Variants in KIAA1217 observed in about 807,000 individuals in gnomAD.
KIAA1217 encodes the protein KIAA1217.
A neutral mutation model predicts 163.9 loss-of-function variants in KIAA1217; 88 were observed. That is an observed-to-expected ratio of 0.54 (90% CI 0.45 to 0.64). KIAA1217 has a LOEUF of 0.64. Ranked by LOEUF, KIAA1217 falls within the 30% of genes least tolerant of loss-of-function variation. KIAA1217 has a pLI of 0.00. For missense variants in KIAA1217, 2,372 were observed against 2,475.0 expected (o/e 0.96, Z 0.88); for synonymous variants, 903 against 923.1 (o/e 0.98, Z 0.39).
intron 4 of KIAA1217, 125 bp from the exon 5 acceptor site, chr10:24,438,261 C>T (rs187760604): frequency 1.8e-5 from 12 of 649,300 alleles, no homozygotes; most frequent in Non-Finnish European, 3.1e-5. Flanking sequence ...TTTTGACTGG[C>T]GTACTGTAGA....
At chr10:24,329,769 C>T (rs2045419775) in intron 2 of KIAA1217, among the ~76,000 whole-genome samples, 2 of 152,108 alleles carry the variant, frequency 1.3e-5, no homozygotes, top group African/African-American at 4.8e-5. Flanking sequence ...ATCATTGGTT[C>T]TTCGTAGACT....
At chr10:24,418,724 G>C (rs1027849738) in intron 3 of KIAA1217, among the ~76,000 whole-genome samples, 19 of 152,202 alleles carry the variant, frequency 1.2e-4, no homozygotes, top group African/African-American at 4.6e-4. Flanking sequence ...TCTCCTAGGG[G>C]GCAGTGTTTG....
chr10:24,354,537 C>A (rs186044799), intron 2 of KIAA1217, among the ~76,000 whole-genome samples: 5 of 152,354 alleles, frequency 3.3e-5, no homozygotes, highest in Admixed American at 3.3e-4. Context: ...CCTTGTCCTG[C>A]ATCCAGGAAG....
At chr10:24,061,191 T>C (rs918889525) in intron 2 of KIAA1217, among the ~76,000 whole-genome samples, 2 of 152,222 alleles carry the variant, frequency 1.3e-5, no homozygotes, top group East Asian at 3.8e-4. Flanking sequence ...GTGGTTACCA[T>C]GAGGTTTACA....
At chr10:23,833,054 C>T (rs1012305678) in intron 1 of KIAA1217, among the ~76,000 whole-genome samples, 10 of 152,072 alleles carry the variant, frequency 6.6e-5, no homozygotes, top group Non-Finnish European at 1.3e-4. Context: ...TGGGTGGGGA[C>T]ACAGCCAAAC....
intron 5 of KIAA1217, among the ~76,000 whole-genome samples, chr10:24,467,673 A>C (rs1256354826): frequency 6.6e-6 from 1 of 152,168 alleles, no homozygotes; most frequent in East Asian, 1.9e-4. Flanking sequence ...TCAATGGTAC[A>C]ACATAGCTAG....
chr10:23,992,608 T>A (rs1372249702), intron 1 of KIAA1217, among the ~76,000 whole-genome samples: 35 of 51,454 alleles, frequency 6.8e-4, no homozygotes. Context: ...CCATCATTTC[T>A]TTTTTTTTTT....
At chr10:23,999,153 G>T (rs539881965) in intron 1 of KIAA1217, among the ~76,000 whole-genome samples, 3 of 152,106 alleles carry the variant, frequency 2.0e-5, no homozygotes, top group Non-Finnish European at 4.4e-5. Context: ...CAAATAAAGC[G>T]GTTTGCATGG....
Position 24,135,745 on chromosome 10 carries a change from G to A in KIAA1217, c.-170-83881G>A, listed in dbSNP as rs548819443. On this transcript the variant is annotated intron_variant, in intron 2 of 18. Coordinates refer to the KIAA1217 transcript ENST00000376462. ...AGGATTGGCAAGACGCAGGAGACAG[G>A]GACTGTAGTCCCAGCTCTGCTGCGA... Among the ~76,000 whole-genome samples, 10 of 152,122 alleles carry A rather than the reference G, an allele frequency of 6.6e-5. No individual in the cohort carries two copies. In the East Asian group the frequency reaches 7.8e-4, roughly 12 times the overall value.
intron 1 of KIAA1217, among the ~76,000 whole-genome samples, chr10:23,857,729 A>G (rs1006812989): frequency 4.6e-5 from 7 of 152,218 alleles, no homozygotes; most frequent in South Asian, 2.1e-4. Flanking sequence ...CAACCTTTAG[A>G]GGAGTGGGGA....
At chr10:24,136,991 G>C (rs569987529) in intron 2 of KIAA1217, among the ~76,000 whole-genome samples, 31 of 152,294 alleles carry the variant, frequency 2.0e-4, no homozygotes, top group African/African-American at 7.2e-4. Context: ...GTCCAAAGTA[G>C]AGAATCAAAG....
chr10:24,031,581 C>T lies in KIAA1217; in HGVS notation c.-171+24207C>T, dbSNP rs976409797. On this transcript the variant is annotated intron_variant, in intron 2 of 18. Coordinates refer to the KIAA1217 transcript ENST00000376462. ...TCCCAAACTGCTGGAATTACAGGCT[C>T]ACACCACTATGCCCAGCCGCTGAGC... is the stretch of plus-strand genomic sequence containing the variant. Among the ~76,000 whole-genome samples the T allele has an allele frequency of 7.2e-5, 11 of 152,144 alleles. 1 individual carries two copies. The highest frequency in any genetic ancestry group is 7.2e-4 in the Admixed American group (11 of 15,270).
chr10:24,262,821 A>T (rs1434153605), intron 2 of KIAA1217, among the ~76,000 whole-genome samples: 1 of 151,938 alleles, frequency 6.6e-6, no homozygotes, highest in Non-Finnish European at 1.5e-5. Flanking sequence ...ATGGTGGCTC[A>T]TACCTGTAAT....
At chr10:24,280,904 G>T (rs2077850612) in intron 2 of KIAA1217, among the ~76,000 whole-genome samples, 1 of 151,816 alleles carries the variant, frequency 6.6e-6, no homozygotes, top group African/African-American at 2.4e-5. Context: ...AAATACTCTA[G>T]AGAAAGTTGG....
At chr10:23,974,890 C>A (rs1013612094) in intron 1 of KIAA1217, among the ~76,000 whole-genome samples, 30 of 151,892 alleles carry the variant, frequency 2.0e-4, no homozygotes, top group African/African-American at 7.0e-4. Context: ...CCTTCCCCCC[C>A]CCATAGATAG....
At chr10:23,739,243 T>A (rs562383321) in intron 1 of KIAA1217, among the ~76,000 whole-genome samples, 1 of 152,134 alleles carries the variant, frequency 6.6e-6, no homozygotes, top group East Asian at 1.9e-4. Context: ...CATTGGAGAC[T>A]CGAAAGGGGC....
At chr10:24,096,163 C>T (rs1165485622) in intron 2 of KIAA1217, among the ~76,000 whole-genome samples, 1 of 152,166 alleles carries the variant, frequency 6.6e-6, no homozygotes, top group Non-Finnish European at 1.5e-5. Flanking sequence ...CACACCCATG[C>T]CTGCTTCTTT....
intron 1 of KIAA1217, among the ~76,000 whole-genome samples, chr10:23,872,748 G>C (rs1184334677): frequency 6.6e-6 from 1 of 151,944 alleles, no homozygotes; most frequent in Non-Finnish European, 1.5e-5. Context: ...TTAAAGTGAG[G>C]GTTTAATTTC....
At chr10:24,103,519 A>T (rs750381632) in intron 2 of KIAA1217, among the ~76,000 whole-genome samples, 23 of 152,216 alleles carry the variant, frequency 1.5e-4, no homozygotes, top group Non-Finnish European at 3.1e-4. Context: ...GGACTATTAT[A>T]TAAATTATGC....
Sources: gnomAD v4.1 joint callset for allele counts (sites outside exome capture counted in the v4.1 genomes callset) on GRCh38, gnomAD v4.1.1 for gene constraint, MANE v1.5 for transcripts, NCBI Gene and HGNC (gene_info 2026-07-23, HGNC 2026-07-21) for gene names.